CGNL1: variants seen among roughly 807,000 people sequenced by gnomAD.
The protein encoded by CGNL1 is cingulin-like protein 1.
CGNL1 carries 132 observed loss-of-function variants against 141.2 expected under a neutral mutation model. That is an observed-to-expected ratio of 0.93 (90% confidence interval 0.81 to 1.08). The LOEUF (loss-of-function observed/expected upper bound fraction) is 1.08. Ranked by LOEUF, CGNL1 falls within the 50% of genes least tolerant of loss-of-function variation. The pLI is 0.00. For missense variants in CGNL1, 1,870 were observed against 1,588.6 expected, an observed-to-expected ratio of 1.18 and a Z score of -3.01; for synonymous variants, 690 against 622.1, an observed-to-expected ratio of 1.11 and a Z score of -1.63.
At chr15:57,433,452 T>C (rs2152298864) in intron 1 of CGNL1, among the ~76,000 whole-genome samples, 1 of 152,342 alleles carries the variant, frequency 6.6e-6, no homozygotes. Flanking sequence ...TGGCAACTCC[T>C]GCAATGATGC....
chr15:57,513,114 C>G (rs1222080381), intron 8 of CGNL1, among the ~76,000 whole-genome samples: 3 of 152,114 alleles, frequency 2.0e-5, no homozygotes, highest in African/African-American at 7.2e-5. Context: ...AAAAGAAATT[C>G]CATCGCCATT....
chr15:57,428,972 G>A (rs375613960), intron 1 of CGNL1, among the ~76,000 whole-genome samples: 3 of 151,806 alleles, frequency 2.0e-5, no homozygotes, highest in South Asian at 2.1e-4. Context: ...GCAGTGAGCC[G>A]AGATTGCGCC....
At chr15:57,468,077 C>T (rs527397219) in intron 8 of CGNL1, among the ~76,000 whole-genome samples, 43 of 152,100 alleles carry the variant, frequency 2.8e-4, no homozygotes, top group African/African-American at 9.6e-4. Context: ...TGGGGGAAGT[C>T]AGTGGGGTAT....
intron 8 of CGNL1, among the ~76,000 whole-genome samples, chr15:57,496,917 A>G (rs1263480130): frequency 1.3e-5 from 2 of 152,116 alleles, no homozygotes; most frequent in East Asian, 3.9e-4. Context: ...GAGAGGGGAG[A>G]AGAGCCAGGG....
rs575888427 is a variant in CGNL1 at position 57,544,027 on chromosome 15, T to C, written c.3375+248T>C. On this transcript the variant is annotated intron_variant, in intron 15 of 18. Transcript: ENST00000281282. ...TCCTGAAGAGGGCTAAATTCTAATG[T>C]AAAGAGAATGAAAAAGAATCCACGT... Among the ~76,000 whole-genome samples the C allele has an allele frequency of 1.4e-4, 21 of 152,318 alleles. 1 individual carries two copies. The South Asian group carries it at 3.9e-3, about 29-fold the overall frequency.
chr15:57,418,300 C>A (rs998742657), intron 1 of CGNL1, among the ~76,000 whole-genome samples: 1 of 152,184 alleles, frequency 6.6e-6, no homozygotes, highest in Admixed American at 6.5e-5. Context: ...TAATGAATAT[C>A]TTGTTCCATA....
intron 14 of CGNL1, among the ~76,000 whole-genome samples, chr15:57,542,894 A>G (rs1302040942): frequency 6.6e-6 from 1 of 152,178 alleles, no homozygotes; most frequent in Non-Finnish European, 1.5e-5. Flanking sequence ...TGACTTTTGG[A>G]AGCCTTAGTA....
chr15:57,413,431 C>T (rs2062815213), intron 1 of CGNL1, among the ~76,000 whole-genome samples: 1 of 152,166 alleles, frequency 6.6e-6, no homozygotes, highest in South Asian at 2.1e-4. Context: ...GTGCGCACCG[C>T]CATGCCTGGC....
At chr15:57,445,535 A>G (rs901420559) in intron 4 of CGNL1, among the ~76,000 whole-genome samples, 5 of 152,164 alleles carry the variant, frequency 3.3e-5, no homozygotes, top group African/African-American at 4.8e-5. Context: ...GCAGGTAGAG[A>G]TTTTGTATGG....
chr15:57,419,399 C>G (rs962183865), intron 1 of CGNL1, among the ~76,000 whole-genome samples: 4 of 152,088 alleles, frequency 2.6e-5, no homozygotes, highest in African/African-American at 9.7e-5. Flanking sequence ...TTATTATTAG[C>G]TAGAGTCCAC....
intron 1 of CGNL1, among the ~76,000 whole-genome samples, chr15:57,396,277 GTTTTT>G (rs57154500): frequency 1.5e-5 from 2 of 129,214 alleles, no homozygotes; most frequent in Admixed American, 7.8e-5. Flanking sequence ...TTCTTTCTTT[GTTTTT>G]TTTTTTTTTT....
At chr15:57,440,204 T>C (rs72738101) in intron 2 of CGNL1, among the ~76,000 whole-genome samples, 173 bp from the exon 3 acceptor site, 22,277 of 151,890 alleles carry the variant, frequency 0.15, 1,752 homozygotes, top group Non-Finnish European at 0.19. Flanking sequence ...TTAACCTCAA[T>C]TTACAGGTGA....
At chr15:57,510,474 G>A (rs2030183492) in intron 8 of CGNL1, among the ~76,000 whole-genome samples, 1 of 152,196 alleles carries the variant, frequency 6.6e-6, no homozygotes, top group Non-Finnish European at 1.5e-5. Context: ...GGTGATTTAT[G>A]TCTGTGTTAG....
chr15:57,391,952 AAAC>A (rs56699659), intron 1 of CGNL1, among the ~76,000 whole-genome samples: 9,449 of 134,154 alleles, frequency 0.07, 537 homozygotes, highest in African/African-American at 0.16. Flanking sequence ...TCGCAAAAAT[AAAC>A]ACCTTCACAT....
At chr15:57,421,396 C>T (rs1483709739) in intron 1 of CGNL1, among the ~76,000 whole-genome samples, 2 of 152,022 alleles carry the variant, frequency 1.3e-5, no homozygotes, top group East Asian at 1.9e-4. Flanking sequence ...TTTCCTAATT[C>T]GTTTTCTACC....
At chr15:57,418,847 C>G (rs1163627902) in intron 1 of CGNL1, among the ~76,000 whole-genome samples, 1 of 152,182 alleles carries the variant, frequency 6.6e-6, no homozygotes, top group African/African-American at 2.4e-5. Context: ...GTCCGACATG[C>G]CAGAGCTGGC....
At chr15:57,429,892 C>G (rs1216136293) in intron 1 of CGNL1, among the ~76,000 whole-genome samples, 1 of 152,194 alleles carries the variant, frequency 6.6e-6, no homozygotes, top group East Asian at 1.9e-4. Flanking sequence ...TCCCTGCAGC[C>G]TTGACCTCTC....
chr15:57,513,253 G>GGTGTGTGTGTGTGTGTGT (rs369204678), intron 8 of CGNL1, among the ~76,000 whole-genome samples: 3 of 133,888 alleles, frequency 2.2e-5, no homozygotes, highest in Admixed American at 7.4e-5. Context: ...TGTCAATATG[G>GGTGTGTGTGTGTGTGTGT]GTGTGTGTGT....
intron 8 of CGNL1, among the ~76,000 whole-genome samples, chr15:57,467,431 G>T (rs1339344226): frequency 6.6e-6 from 1 of 152,106 alleles, no homozygotes; most frequent in African/African-American, 2.4e-5. Flanking sequence ...CCTTGTAGGT[G>T]GGAAAGTGAG....
Sources: gnomAD v4.1 joint callset for allele counts (sites outside exome capture counted in the v4.1 genomes callset) on GRCh38, gnomAD v4.1.1 for gene constraint, MANE v1.5 for transcripts, NCBI Gene and HGNC (gene_info 2026-07-23, HGNC 2026-07-21) for gene names.